DAB1: variants seen among roughly 807,000 people sequenced by gnomAD.
DAB1 encodes the protein disabled homolog 1.
In DAB1, 15 loss-of-function variants were observed where a neutral mutation model predicts 64.6. The ratio of observed to expected loss-of-function variants is 0.23; its 90% CI spans 0.16 to 0.36. The LOEUF (loss-of-function observed/expected upper bound fraction) is 0.36. DAB1 is among the 10% of genes least tolerant of loss of function. The pLI is 1.00. For missense variants in DAB1, 596 were observed against 706.7 expected (o/e 0.84, Z 1.78); for synonymous variants, 235 against 251.9 (o/e 0.93, Z 0.64).
intron 5 of DAB1, among the ~76,000 whole-genome samples, chr1:57,969,385 C>T (rs1645743912): frequency 6.6e-6 from 1 of 152,094 alleles, no homozygotes; most frequent in Admixed American, 6.6e-5. Flanking sequence ...CTCTGTCACC[C>T]AGGCTGGAGT....
At chr1:57,368,892 G>A (rs1680274449) in intron 1 of DAB1, among the ~76,000 whole-genome samples, 2 of 152,080 alleles carry the variant, frequency 1.3e-5, no homozygotes, top group African/African-American at 2.4e-5. Flanking sequence ...TACCAAAGAG[G>A]TAATTTCACT....
At chr1:57,383,232 T>G (rs568899388) in intron 1 of DAB1, among the ~76,000 whole-genome samples, 6 of 152,134 alleles carry the variant, frequency 3.9e-5, no homozygotes, top group Non-Finnish European at 7.4e-5. Context: ...TTAAAAAATG[T>G]ATTTAGAGTA....
At chr1:57,267,368 A>C (rs1670667050) in intron 2 of DAB1, among the ~76,000 whole-genome samples, 1 of 152,208 alleles carries the variant, frequency 6.6e-6, no homozygotes. Flanking sequence ...GTTTGTGATA[A>C]TGTGTTACAA....
At position 58,053,366 on chromosome 1, in the gene DAB1, G is replaced by T. The variant is rs149627383; in HGVS notation, n.387+97145C>A. Among the ~76,000 whole-genome samples the T allele has an allele frequency of 3.4e-3, 517 of 152,306 alleles. 5 individuals carry two copies. Among genetic ancestry groups the T allele is most frequent in the African/African-American group, 0.012 (496 of 41,574 alleles). Reference sequence around the variant, plus strand: ...AGGCTGCTTCCGCACATGGCAGAAAGTAGAAGGTTAGGGAGAGCCCATGTG... The same window carrying T: ...AGGCTGCTTCCGCACATGGCAGAAATTAGAAGGTTAGGGAGAGCCCATGTG... On this transcript the variant is annotated intron_variant and non_coding_transcript_variant, in intron 5 of 20. Transcript: ENST00000485760.
intron 1 of DAB1, among the ~76,000 whole-genome samples, chr1:57,394,875 G>T (rs966747128): frequency 1.3e-5 from 2 of 152,106 alleles, no homozygotes; most frequent in African/African-American, 4.8e-5. Context: ...AATGTGGTTT[G>T]GAGAATGTTT....
chr1:58,419,612 A>C (rs969540920), intron 3 of DAB1, among the ~76,000 whole-genome samples: 1 of 152,140 alleles, frequency 6.6e-6, no homozygotes, highest in Non-Finnish European at 1.5e-5. Flanking sequence ...TATGTCAGGA[A>C]CTACACTTCC....
chr1:58,247,872 CCCTG>C (rs1296435258), intron 4 of DAB1, among the ~76,000 whole-genome samples: 76 of 139,624 alleles, frequency 5.4e-4, no homozygotes, highest in African/African-American at 1.9e-3. Flanking sequence ...CTTAAGCTAT[CCCTG>C]TCTCTCTATT....
At chr1:58,505,943 T>C (rs766655267) in intron 3 of DAB1, 35 of 588,126 alleles carry the variant, frequency 6.0e-5, no homozygotes, top group Non-Finnish European at 8.3e-5. Flanking sequence ...TCCATAATTA[T>C]AGTAATCAAA....
intron 2 of DAB1, among the ~76,000 whole-genome samples, chr1:57,211,923 G>A (rs1666040777): frequency 6.6e-6 from 1 of 152,156 alleles, no homozygotes; most frequent in Non-Finnish European, 1.5e-5. Flanking sequence ...TCAGGGACTT[G>A]GGCATCTGTG....
At chr1:57,454,692 G>A (rs1371278119) in intron 7 of DAB1, among the ~76,000 whole-genome samples, 1 of 151,930 alleles carries the variant, frequency 6.6e-6, no homozygotes, top group East Asian at 1.9e-4. Flanking sequence ...AGGAGAATGA[G>A]GAAGTCTCCA....
chr1:57,378,403 T>C (rs1260294135), intron 1 of DAB1, among the ~76,000 whole-genome samples: 1 of 152,248 alleles, frequency 6.6e-6, no homozygotes, highest in East Asian at 1.9e-4. Flanking sequence ...GTTGACGAGC[T>C]AGTTTTAAAT....
intron 5 of DAB1, among the ~76,000 whole-genome samples, chr1:58,121,604 C>A (rs948291968): frequency 4.6e-5 from 7 of 152,144 alleles, no homozygotes; most frequent in African/African-American, 1.7e-4. Context: ...GGATCATCTG[C>A]ACCAGGACAT....
chr1:57,937,266 T>C (rs1182235497), intron 5 of DAB1, among the ~76,000 whole-genome samples: 2 of 152,076 alleles, frequency 1.3e-5, no homozygotes, highest in Non-Finnish European at 2.9e-5. Context: ...AAGTGTTTGC[T>C]GGGGATGCAG....
chr1:57,727,204 A>G (rs1053822331), intron 6 of DAB1, among the ~76,000 whole-genome samples: 7 of 152,152 alleles, frequency 4.6e-5, no homozygotes, highest in African/African-American at 1.7e-4. Context: ...TACATCTCAC[A>G]CTAAAATTAA....
intron 2 of DAB1, among the ~76,000 whole-genome samples, chr1:57,148,520 C>T (rs1659363746): frequency 6.6e-6 from 1 of 152,174 alleles, no homozygotes; most frequent in Admixed American, 6.5e-5. Flanking sequence ...ATCTGAGGCA[C>T]ATACAATATA....
At chr1:58,521,035 C>T (rs1487143967) in intron 2 of DAB1, among the ~76,000 whole-genome samples, 1 of 152,178 alleles carries the variant, frequency 6.6e-6, no homozygotes, top group Non-Finnish European at 1.5e-5. Flanking sequence ...AAATTGATCA[C>T]ATCCTGAGCC....
chr1:57,451,040 A>C (rs1686334921), intron 7 of DAB1, among the ~76,000 whole-genome samples: 1 of 152,248 alleles, frequency 6.6e-6, no homozygotes, highest in South Asian at 2.1e-4. Context: ...AGCCAGATTT[A>C]ATCGCAGGTC....
rs539379669 is a variant in DAB1 at position 58,221,137 on chromosome 1, CATCCATATACACAT to C, written n.310-70563_310-70550del. On this transcript the variant is annotated intron_variant and non_coding_transcript_variant, in intron 4 of 20. Coordinates refer to the DAB1 transcript ENST00000485760. ...GTACACACACACATACACACATGCA[CATCCATATACACAT>C]ATTTCTTTTCTTTTTTCTCCAAGTC... Among the ~76,000 whole-genome samples the C allele has an allele frequency of 1.1e-3, 168 of 152,070 alleles. 2 individuals carry two copies. The Middle Eastern group carries it at 0.024, about 22-fold the overall frequency.
At chr1:57,284,717 T>C (rs1247804389) in intron 2 of DAB1, among the ~76,000 whole-genome samples, 5 of 152,274 alleles carry the variant, frequency 3.3e-5, no homozygotes, top group Non-Finnish European at 7.3e-5. Flanking sequence ...CCTAATGAGA[T>C]AATCAATATG....
Sources: gnomAD v4.1 joint callset for allele counts (sites outside exome capture counted in the v4.1 genomes callset) on GRCh38, gnomAD v4.1.1 for gene constraint, MANE v1.5 for transcripts, NCBI Gene and HGNC (gene_info 2026-07-23, HGNC 2026-07-21) for gene names.